CEP57L1: variants seen among roughly 807,000 people sequenced by gnomAD.
CEP57L1 encodes the protein centrosomal protein 57 like 1, also known as centrosomal protein CEP57L1.
In CEP57L1, 37 loss-of-function variants were observed where a neutral mutation model predicts 61.0. The observed-to-expected ratio is 0.61, with a 90% CI of 0.47 to 0.80. CEP57L1 has a LOEUF of 0.80. CEP57L1 is among the 30% of genes least tolerant of loss of function. The probability of loss-of-function intolerance (pLI) is 0.00; values close to 1 mark genes in which losing one functional copy is unlikely to be tolerated. For synonymous variants in CEP57L1, 137 were observed against 162.3 expected, an observed-to-expected ratio of 0.84 and a Z score of 1.19; for missense variants, 422 against 524.7, an observed-to-expected ratio of 0.80 and a Z score of 1.91.
At chr6:109,113,393 C>T (rs75415411) in intron 1 of CEP57L1, among the ~76,000 whole-genome samples, 20 of 152,046 alleles carry the variant, frequency 1.3e-4, no homozygotes, top group African/African-American at 3.6e-4. Context: ...TGAACACATC[C>T]GAGAGATACA....
At chr6:109,141,479 T>G (rs1771377444) in intron 1 of CEP57L1, among the ~76,000 whole-genome samples, 1 of 152,012 alleles carries the variant, frequency 6.6e-6, no homozygotes, top group Non-Finnish European at 1.5e-5. Context: ...TCCCAAAGTG[T>G]TTCCCCAATT....
intron 1 of CEP57L1, among the ~76,000 whole-genome samples, chr6:109,142,875 C>G (rs1771536481): frequency 6.6e-6 from 1 of 151,758 alleles, no homozygotes; most frequent in African/African-American, 2.4e-5. Context: ...ATGAATGTAT[C>G]CCTTCCATCT....
chr6:109,166,537 T>A lies in CEP57L1; in HGVS notation c.*3567T>A, dbSNP rs1356114777. On this transcript the variant is annotated 3_prime_UTR_variant, in exon 11 of 11. Transcript: ENST00000517392. ...TAGCTGGAATTACAGGCACCTGCCA[T>A]ACACCCAGCTAATTTTTGTATTTTT... Among the ~76,000 whole-genome samples, 2 of 151,790 alleles carry A rather than the reference T, an allele frequency of 1.3e-5. No homozygotes were observed. Among genetic ancestry groups the A allele is most frequent in the African/African-American group, 4.8e-5 (2 of 41,306 alleles).
chr6:109,148,689 G>A (rs548819022), intron 3 of CEP57L1, among the ~76,000 whole-genome samples: 182 of 152,152 alleles, frequency 1.2e-3, no homozygotes, highest in African/African-American at 4.2e-3. Context: ...CTGAGGAATC[G>A]CCACACTGAC....
chr6:109,103,754 T>C (rs909952743), intron 1 of CEP57L1, among the ~76,000 whole-genome samples: 4 of 152,166 alleles, frequency 2.6e-5, no homozygotes, highest in Admixed American at 2.6e-4. Context: ...CATTTTGCTC[T>C]TCTTGAAAGA....
At chr6:109,155,155 C>T (rs946043339) in intron 5 of CEP57L1, 75 bp from the exon 6 acceptor site, 1 of 833,354 alleles carries the variant, frequency 1.2e-6, no homozygotes, top group Non-Finnish European at 1.9e-6. Context: ...CCCCCTAGGA[C>T]TCTATTTGGA....
chr6:109,153,146 C>A (rs1287040372), intron 4 of CEP57L1, among the ~76,000 whole-genome samples: 1 of 149,250 alleles, frequency 6.7e-6, no homozygotes, highest in Non-Finnish European at 1.5e-5. Context: ...GAAAAGTTTT[C>A]CATAATAGAA....
Position 109,145,683 on chromosome 6 carries a change from C to T in CEP57L1, c.160+302C>T, listed in dbSNP as rs115437184. On this transcript the variant is annotated intron_variant, in intron 2 of 10. Transcript: ENST00000517392. The stretch of plus-strand genomic sequence containing the variant: ...AAAAGGTCAGATTTGGAATACTAAA[C>T]TAGATGATTAGAATGTTAGTGAATT... Among the ~76,000 whole-genome samples the T allele has an allele frequency of 7.9e-3, 1,205 of 151,912 alleles. 20 individuals are homozygous for T. Among genetic ancestry groups the T allele is most frequent in the African/African-American group, 0.028 (1,156 of 41,500 alleles).
intron 1 of CEP57L1, among the ~76,000 whole-genome samples, chr6:109,123,480 A>G (rs964214383): frequency 1.3e-5 from 2 of 152,202 alleles, no homozygotes; most frequent in Admixed American, 6.5e-5. Context: ...CAGTGGCTCA[A>G]TCAATGCATG....
intron 1 of CEP57L1, chr6:109,130,670 T>G (rs955317694): frequency 3.6e-4 from 55 of 151,804 alleles, no homozygotes; most frequent in African/African-American, 1.0e-3. Flanking sequence ...TTTGTTTTTT[T>G]TTTTTTTTTT....
chr6:109,172,167 G>A lies in CEP57L1; in HGVS notation c.*9197G>A, dbSNP rs1393071799. 8.5e-6 allele frequency among the ~76,000 whole-genome samples: 1 copy of A among 117,076 alleles called. No homozygotes were observed. Among genetic ancestry groups the A allele is most frequent in the Non-Finnish European group, 1.8e-5 (1 of 54,176 alleles). 76.8% of individuals were successfully genotyped at this position (117,076 alleles called of 152,430 possible). A position where few individuals can be genotyped will look rare whatever the true frequency, so the allele number is the denominator to read the frequency against. ...TGTCCTTCACCTGTGAAGTCATGTAGACAGACCATAATTCTCTCAGCAGAC... is the reference window on the plus strand; with the variant it reads ...TGTCCTTCACCTGTGAAGTCATGTAAACAGACCATAATTCTCTCAGCAGAC... On this transcript the variant is annotated 3_prime_UTR_variant, in exon 11 of 11. Coordinates refer to ENST00000517392, the MANE Select transcript of CEP57L1 (RefSeq NM_001271852.3).
At chr6:109,153,361 C>G (rs1772866692) in intron 4 of CEP57L1, among the ~76,000 whole-genome samples, 1 of 150,612 alleles carries the variant, frequency 6.6e-6, no homozygotes, top group South Asian at 2.1e-4. Context: ...CTCATCTCAG[C>G]CTCCCAAGCA....
At chr6:109,145,607 G>C (rs534088137) in intron 2 of CEP57L1, among the ~76,000 whole-genome samples, 1 of 151,896 alleles carries the variant, frequency 6.6e-6, no homozygotes, top group African/African-American at 2.4e-5. Context: ...ACATATCACA[G>C]AGTTATCATA....
intron 1 of CEP57L1, among the ~76,000 whole-genome samples, chr6:109,099,674 T>G (rs528329898): frequency 2.0e-5 from 3 of 152,246 alleles, no homozygotes; most frequent in Admixed American, 2.0e-4. Flanking sequence ...CTCAGCCTCC[T>G]GAGTAGCTGG....
Position 109,166,833 on chromosome 6 carries a change from A to G in CEP57L1, c.*3863A>G, listed in dbSNP as rs1774137472. On this transcript the variant is annotated 3_prime_UTR_variant, in exon 11 of 11. Transcript: ENST00000517392. ...GGACAGAAATGCAACAGCTGCCATT[A>G]TTGGTGTAGAGTAAATAATGAAACT... Among the ~76,000 whole-genome samples, 1 of 152,306 alleles carries G rather than the reference A, an allele frequency of 6.6e-6. No individual in the cohort carries two copies. Among genetic ancestry groups the G allele is most frequent in the East Asian group, 1.9e-4 (1 of 5,190 alleles).
rs966926685 is a variant in CEP57L1, at chr6:109,168,255, C to T, written c.*5285C>T. On this transcript the variant is annotated 3_prime_UTR_variant, in exon 11 of 11. Coordinates refer to ENST00000517392, the MANE Select transcript of CEP57L1 (RefSeq NM_001271852.3). ...AGTTCCTTTAGTAATTTCAAAATGC[C>T]GGCCATAGCCAGTCTATAATCCAAT... 2.6e-5 allele frequency among the ~76,000 whole-genome samples: 4 copies of T among 152,068 alleles called. No individual in the cohort carries two copies. The highest frequency in any genetic ancestry group is 5.9e-5 in the Non-Finnish European group (4 of 68,022).
intron 1 of CEP57L1, among the ~76,000 whole-genome samples, chr6:109,119,529 G>A (rs1237482428): frequency 2.0e-5 from 3 of 152,186 alleles, no homozygotes; most frequent in Admixed American, 1.3e-4. Flanking sequence ...CTGTTTTGAG[G>A]CAAAGATGGT....
At position 109,136,799 on chromosome 6, in the gene CEP57L1, A is replaced by G. The variant is rs185137702; in HGVS notation, c.-3-8420A>G. On this transcript the variant is annotated intron_variant, in intron 1 of 10. Transcript: ENST00000517392. ...GAGAGAGTCTTTTGCTCTGTCGCCC[A>G]GGCTAGAGTGCAGTGGCACAATCTC... Among the ~76,000 whole-genome samples, 1,337 of 150,972 alleles carry G rather than the reference A, an allele frequency of 8.9e-3. 25 individuals carry two copies. Among genetic ancestry groups the G allele is most frequent in the African/African-American group, 0.028 (1,160 of 40,974 alleles).
chr6:109,134,198 A>G (rs1193914979), intron 1 of CEP57L1, among the ~76,000 whole-genome samples: 1 of 152,200 alleles, frequency 6.6e-6, no homozygotes, highest in Non-Finnish European at 1.5e-5. Context: ...GCAACACATC[A>G]AAAAACTTAT....
Sources: allele counts gnomAD v4.1 joint callset (sites outside exome capture counted in the v4.1 genomes callset), GRCh38; gene constraint gnomAD v4.1.1; transcripts MANE v1.5; gene names NCBI Gene and HGNC (gene_info 2026-07-23, HGNC 2026-07-21).